Variants in COG5 observed in about 807,000 individuals in gnomAD.
COG5 encodes the protein conserved oligomeric Golgi complex subunit 5.
COG5 carries 86 observed loss-of-function variants against 110.4 expected under a neutral mutation model. The observed-to-expected ratio is 0.78, with a 90% confidence interval of 0.65 to 0.93. The LOEUF (loss-of-function observed/expected upper bound fraction) is 0.93, where lower values mean the gene tolerates loss of function less well. Among genes scored for constraint, COG5 ranks in the 40% least tolerant of loss-of-function variants. COG5 has a pLI of 0.00. For missense variants in COG5, 1,077 were observed against 987.0 expected (o/e 1.09, Z -1.22); for synonymous variants, 360 against 334.6 (o/e 1.08, Z -0.83).
intron 12 of COG5, among the ~76,000 whole-genome samples, chr7:107,296,139 C>T (rs1806722769): frequency 6.6e-6 from 1 of 150,768 alleles, no homozygotes; most frequent in Non-Finnish European, 1.5e-5. Context: ...TCCTTCCTTC[C>T]TTCTTTCCCT....
intron 1 of COG5, among the ~76,000 whole-genome samples, chr7:107,560,971 T>C (rs1803724592): frequency 6.6e-6 from 1 of 151,532 alleles, no homozygotes; most frequent in Non-Finnish European, 1.5e-5. Flanking sequence ...ATGAGGAAGA[T>C]AGGAAAGTGG....
intron 19 of COG5, among the ~76,000 whole-genome samples, chr7:107,226,204 T>C (rs1800325334): frequency 6.6e-6 from 1 of 152,212 alleles, no homozygotes; most frequent in African/African-American, 2.4e-5. Context: ...CCTATGAATT[T>C]AGCATATTTT....
chr7:107,385,001 G>A (rs1475251772), intron 7 of COG5, among the ~76,000 whole-genome samples: 1 of 152,184 alleles, frequency 6.6e-6, no homozygotes, highest in African/African-American at 2.4e-5. Context: ...CCAAACCTCA[G>A]AATGTGACCT....
At chr7:107,437,646 CAT>C (rs1411581940) in intron 6 of COG5, among the ~76,000 whole-genome samples, 1 of 152,112 alleles carries the variant, frequency 6.6e-6, no homozygotes, top group Non-Finnish European at 1.5e-5. Context: ...ATACATTTCA[CAT>C]GTCTATTTTT....
intron 19 of COG5, among the ~76,000 whole-genome samples, chr7:107,221,071 C>T (rs1194015186): frequency 2.6e-5 from 4 of 152,016 alleles, no homozygotes; most frequent in African/African-American, 9.7e-5. Context: ...TGTGCCTTGG[C>T]CTCCCAAAGT....
chr7:107,256,910 T>A, intron 15 of COG5, 116 bp from the exon 16 acceptor site: 1 of 717,716 alleles, frequency 1.4e-6, no homozygotes, highest in Admixed American at 2.2e-5. Context: ...ATATTATCAT[T>A]GCTTTACAGT....
At chr7:107,407,550 ATATATAT>A (rs962514707) in intron 7 of COG5, among the ~76,000 whole-genome samples, 1 of 151,878 alleles carries the variant, frequency 6.6e-6, no homozygotes, top group Non-Finnish European at 1.5e-5. Flanking sequence ...ATCAAAACAT[ATATATAT>A]TATAACAAGT....
chr7:107,397,742 G>A (rs1182868937), intron 7 of COG5, among the ~76,000 whole-genome samples: 1 of 152,068 alleles, frequency 6.6e-6, no homozygotes, highest in Admixed American at 6.6e-5. Flanking sequence ...AATAATCGCA[G>A]CTAGTAAACA....
chr7:107,514,608 C>G (rs1584920125), intron 6 of COG5, among the ~76,000 whole-genome samples: 1 of 152,152 alleles, frequency 6.6e-6, no homozygotes, highest in East Asian at 1.9e-4. Context: ...GGTGGTTTAC[C>G]AGCTCAGGCT....
chr7:107,275,493 A>G (rs1804632354), intron 14 of COG5, among the ~76,000 whole-genome samples: 3 of 151,814 alleles, frequency 2.0e-5, no homozygotes, highest in African/African-American at 7.3e-5. Context: ...CTATTACCAT[A>G]TAATAATATA....
At chr7:107,407,400 A>C (rs1367388300) in intron 7 of COG5, among the ~76,000 whole-genome samples, 1 of 152,166 alleles carries the variant, frequency 6.6e-6, no homozygotes, top group Non-Finnish European at 1.5e-5. Flanking sequence ...GAAAAAGAAA[A>C]ATAAACATTA....
At chr7:107,331,337 G>C (rs1050436877) in intron 10 of COG5, among the ~76,000 whole-genome samples, 1 of 151,902 alleles carries the variant, frequency 6.6e-6, no homozygotes, top group Non-Finnish European at 1.5e-5. Flanking sequence ...GCGTGGTGGC[G>C]GGTGCCTATA....
At chr7:107,282,442 C>T (rs748929188) in intron 13 of COG5, among the ~76,000 whole-genome samples, 10 of 152,126 alleles carry the variant, frequency 6.6e-5, no homozygotes, top group Non-Finnish European at 1.3e-4. Context: ...GATTTAGGAC[C>T]AAGATGCTGG....
Position 107,509,827 on chromosome 7 carries a change from T to C in COG5, c.538+17410A>G, listed in dbSNP as rs536595613. ...CTTCATAAGTGAAGGGGAAATAAAA[T>C]CCTTTACAGACAAGCAAATGCTGAG... On this transcript the variant is annotated intron_variant, in intron 6 of 21. Coordinates refer to ENST00000297135, the MANE Select transcript of COG5 (RefSeq NM_006348.5). Among the ~76,000 whole-genome samples, 13 of 151,094 alleles carry C rather than the reference T, an allele frequency of 8.6e-5. No homozygotes were observed. The South Asian group carries it at 2.7e-3, about 31-fold the overall frequency.
At chr7:107,534,984 GCAAC>G (rs1801475194) in intron 5 of COG5, among the ~76,000 whole-genome samples, 1 of 151,572 alleles carries the variant, frequency 6.6e-6, no homozygotes, top group Non-Finnish European at 1.5e-5. Flanking sequence ...AGACCACAGT[GCAAC>G]CAAACTAAAA....
intron 7 of COG5, among the ~76,000 whole-genome samples, chr7:107,382,744 T>C (rs1464249214): frequency 6.6e-6 from 1 of 152,140 alleles, no homozygotes; most frequent in African/African-American, 2.4e-5. Flanking sequence ...CAGCCTAAAG[T>C]CTATTTTTCA....
chr7:107,281,361 A>C lies in COG5; in HGVS notation c.1514T>G (p.Leu505Ter), dbSNP rs765972122. 6.2e-7 allele frequency: 1 copy of C among 1,613,532 alleles called. No homozygotes were observed. The highest frequency in any genetic ancestry group is 1.3e-5 in the African/African-American group (1 of 75,048). The change falls in exon 14 of 22, where the codon TTA (leucine) becomes TGA (stop). Residue 505 changes from leucine (L) to a stop codon, truncating the protein, a stop_gained. Transcript: ENST00000297135. LOFTEE classifies it high-confidence loss of function. ...CTTTGCCACATTTTTTGACACAGCTAATGTGAGGTTTGTATCAACAGCAGC... is the reference window on the plus strand; with the variant it reads ...CTTTGCCACATTTTTTGACACAGCTCATGTGAGGTTTGTATCAACAGCAGC... Reference protein sequence around the residue: ...NVAAVDTNLTLAVSKNVAKTI... With the variant: ...NVAAVDTNLT
At chr7:107,398,887 T>G (rs1469967214) in intron 7 of COG5, among the ~76,000 whole-genome samples, 2 of 152,108 alleles carry the variant, frequency 1.3e-5, no homozygotes, top group Non-Finnish European at 2.9e-5. Flanking sequence ...GGTTATGAGA[T>G]GGTTGCACAT....
intron 14 of COG5, among the ~76,000 whole-genome samples, chr7:107,273,332 C>T (rs910401768): frequency 2.0e-5 from 3 of 152,112 alleles, no homozygotes; most frequent in Admixed American, 6.5e-5. Context: ...TGTGGGTGTA[C>T]GCTAGGAAGG....
Sources: gnomAD v4.1 joint callset for allele counts (sites outside exome capture counted in the v4.1 genomes callset) on GRCh38, gnomAD v4.1.1 for gene constraint, MANE v1.5 for transcripts, NCBI Gene and HGNC (gene_info 2026-07-23, HGNC 2026-07-21) for gene names.